Variants in DLGAP1 observed in about 807,000 individuals in gnomAD.
DLGAP1 encodes the protein disks large-associated protein 1.
A neutral mutation model predicts 90.8 loss-of-function variants in DLGAP1; 11 were observed. The observed-to-expected ratio is 0.12, with a 90% CI of 0.08 to 0.20. The LOEUF is 0.20. Among genes scored for constraint, DLGAP1 ranks in the 10% least tolerant of loss-of-function variants. The pLI is 1.00. For missense variants in DLGAP1, 1,050 were observed against 1,333.8 expected (o/e 0.79, Z 3.31); for synonymous variants, 558 against 540.7 (o/e 1.03, Z -0.44).
At chr18:4,289,636 AAAAG>A (rs1193530618) in intron 1 of DLGAP1, among the ~76,000 whole-genome samples, 1 of 152,158 alleles carries the variant, frequency 6.6e-6, no homozygotes, top group Non-Finnish European at 1.5e-5. Flanking sequence ...AACAGATTTT[AAAAG>A]AAAGAAAACT....
At chr18:3,943,449 G>GC (rs1352060018) in intron 3 of DLGAP1, among the ~76,000 whole-genome samples, 2 of 91,396 alleles carry the variant, frequency 2.2e-5, no homozygotes, top group Admixed American at 1.5e-4. Flanking sequence ...GTGAAAGAGA[G>GC]GGTTTTTTTT....
chr18:3,831,398 AC>A (rs1379036877), intron 4 of DLGAP1, among the ~76,000 whole-genome samples: 1 of 152,122 alleles, frequency 6.6e-6, no homozygotes. Context: ...TTGTTGGATC[AC>A]CAGTCCTTAG....
chr18:4,097,914 T>C (rs1331340884), intron 2 of DLGAP1, among the ~76,000 whole-genome samples: 1 of 152,202 alleles, frequency 6.6e-6, no homozygotes, highest in African/African-American at 2.4e-5. Flanking sequence ...TGCAGATTCT[T>C]TTCCTTTTTC....
At chr18:4,128,447 T>G (rs2076263789) in intron 2 of DLGAP1, among the ~76,000 whole-genome samples, 1 of 152,192 alleles carries the variant, frequency 6.6e-6, no homozygotes, top group South Asian at 2.1e-4. Context: ...AATGACTGCA[T>G]GTATCTCCTG....
Position 3,582,123 on chromosome 18 carries a change from C to T in DLGAP1, c.1717G>A (p.Gly573Arg), listed in dbSNP as rs1210810553. The T allele has an allele frequency of 2.5e-6, 4 of 1,613,856 alleles. No homozygotes were observed. The highest frequency in any genetic ancestry group is 1.7e-5 in the Admixed American group (1 of 59,976). The part of the protein sequence containing the change: ...TESAQDAYMD[G>R]QGQRGDIISQ... Reference sequence around the variant, plus strand: ...ATAATATCTCCTCGCTGGCCCTGTCCGTCCATGTAGGCATCCTGGGCTGAC... The same window carrying T: ...ATAATATCTCCTCGCTGGCCCTGTCTGTCCATGTAGGCATCCTGGGCTGAC... Residue 573 changes from glycine (G) to arginine (R), a missense_variant, in exon 8 of 13, where the codon GGA (glycine) becomes AGA (arginine). Physicochemically the swap from Gly to Arg is moderately radical, Grantham distance 125. Around this residue, in one of 2 missense-constraint regions of DLGAP1, gnomAD observed 565 missense variants for 879.7 expected, o/e 0.64. Coordinates refer to ENST00000315677, the MANE Select transcript of DLGAP1 (RefSeq NM_004746.4).
At chr18:3,723,235 T>A (rs1233604170) in intron 7 of DLGAP1, among the ~76,000 whole-genome samples, 3 of 152,212 alleles carry the variant, frequency 2.0e-5, no homozygotes, top group Non-Finnish European at 2.9e-5. Context: ...TGGGTGTGAG[T>A]TATGCCTGAT....
chr18:4,170,129 G>C (rs779920451), intron 1 of DLGAP1, among the ~76,000 whole-genome samples: 19 of 152,140 alleles, frequency 1.2e-4, no homozygotes, highest in Non-Finnish European at 2.5e-4. Flanking sequence ...ATGGTTTAGA[G>C]GAAGCCAGTA....
At chr18:3,690,619 T>C (rs1005369529) in intron 7 of DLGAP1, among the ~76,000 whole-genome samples, 1 of 152,136 alleles carries the variant, frequency 6.6e-6, no homozygotes, top group African/African-American at 2.4e-5. Flanking sequence ...AAATAACACA[T>C]TTAGAGAAGA....
chr18:4,033,606 G>A (rs1298195236), intron 2 of DLGAP1, among the ~76,000 whole-genome samples: 1 of 152,092 alleles, frequency 6.6e-6, no homozygotes, highest in Non-Finnish European at 1.5e-5. Context: ...GCAATGTAGA[G>A]CATATGCATT....
intron 1 of DLGAP1, among the ~76,000 whole-genome samples, chr18:4,168,946 T>C (rs60180302): frequency 0.027 from 4,080 of 152,290 alleles, 157 homozygotes; most frequent in African/African-American, 0.087. Context: ...TATCCATTCA[T>C]CCTCTTATAG....
chr18:3,981,349 T>C (rs2073723992), intron 3 of DLGAP1, among the ~76,000 whole-genome samples: 1 of 152,140 alleles, frequency 6.6e-6, no homozygotes. Flanking sequence ...GAAGTAGGAG[T>C]ATCTTCTGAT....
chr18:4,128,243 A>G (rs1485382548), intron 2 of DLGAP1, among the ~76,000 whole-genome samples: 2 of 152,194 alleles, frequency 1.3e-5, no homozygotes, highest in African/African-American at 4.8e-5. Flanking sequence ...TAAACAATAC[A>G]GTATAACAAT....
intron 8 of DLGAP1, among the ~76,000 whole-genome samples, chr18:3,567,980 C>T (rs1423949473): frequency 6.6e-6 from 1 of 151,822 alleles, no homozygotes; most frequent in Admixed American, 6.6e-5. Flanking sequence ...CTCACTACAA[C>T]CTCCGCCTCC....
chr18:4,017,410 C>T (rs2074540824), intron 2 of DLGAP1, among the ~76,000 whole-genome samples: 1 of 152,118 alleles, frequency 6.6e-6, no homozygotes, highest in Non-Finnish European at 1.5e-5. Flanking sequence ...ATCCTGTTTT[C>T]CCTGGAGTTC....
At chr18:4,054,486 A>G (rs1778220987) in intron 2 of DLGAP1, among the ~76,000 whole-genome samples, 1 of 152,244 alleles carries the variant, frequency 6.6e-6, no homozygotes, top group African/African-American at 2.4e-5. Flanking sequence ...ATCCACAAGT[A>G]TAAATCATAA....
chr18:4,176,575 A>C (rs1000214645), intron 1 of DLGAP1, among the ~76,000 whole-genome samples: 4 of 152,102 alleles, frequency 2.6e-5, no homozygotes, highest in Admixed American at 6.6e-5. Context: ...TCTTTCTTAT[A>C]ATCTCCTGCA....
At chr18:3,567,403 G>T (rs1599280095) in intron 9 of DLGAP1, 87 bp downstream of exon 9, 2 of 1,140,354 alleles carry the variant, frequency 1.8e-6, no homozygotes, top group South Asian at 1.4e-5. Flanking sequence ...AAATATCATT[G>T]AATTTTGTAG....
chr18:3,605,682 G>C (rs1162415565), intron 7 of DLGAP1, among the ~76,000 whole-genome samples: 3 of 152,158 alleles, frequency 2.0e-5, no homozygotes, highest in Non-Finnish European at 4.4e-5. Flanking sequence ...TGGCCTCTCT[G>C]AATGTCAGAT....
intron 5 of DLGAP1, among the ~76,000 whole-genome samples, chr18:3,757,887 G>A (rs1302658917): frequency 2.6e-5 from 4 of 152,050 alleles, no homozygotes; most frequent in African/African-American, 4.8e-5. Flanking sequence ...AGGCCAAGGC[G>A]GGTGGATCAT....
Sources: allele counts gnomAD v4.1 joint callset (sites outside exome capture counted in the v4.1 genomes callset), GRCh38; gene constraint gnomAD v4.1.1; regional missense constraint gnomAD v4.1.1; transcripts MANE v1.5; gene names NCBI Gene and HGNC (gene_info 2026-07-23, HGNC 2026-07-21).